Variants in PACRG observed in about 807,000 individuals in gnomAD.
PACRG encodes the protein parkin coregulated gene protein.
In PACRG, 29 loss-of-function variants were observed where a neutral mutation model predicts 29.7. That is an observed-to-expected ratio of 0.98 (90% CI 0.73 to 1.33). PACRG has a LOEUF of 1.33. Among genes scored for constraint, PACRG ranks in the 40% most tolerant of loss-of-function variants. The pLI is 0.00. For missense variants in PACRG, 279 were observed against 316.2 expected (o/e 0.88, Z 0.89); for synonymous variants, 116 against 118.7 (o/e 0.98, Z 0.15).
chr6:163,229,526 A>AAT (rs1781939904), intron 4 of PACRG, among the ~76,000 whole-genome samples: 1 of 152,240 alleles, frequency 6.6e-6, no homozygotes, highest in Admixed American at 6.5e-5. Flanking sequence ...GCTTTGCTCC[A>AAT]GTAATGGTTC....
chr6:162,863,823 A>G (rs1457400735), intron 2 of PACRG, among the ~76,000 whole-genome samples: 2 of 152,242 alleles, frequency 1.3e-5, no homozygotes, highest in Non-Finnish European at 2.9e-5. Flanking sequence ...AGGTCTGAAT[A>G]AATTATTCAT....
intron 4 of PACRG, among the ~76,000 whole-genome samples, chr6:163,216,694 C>A (rs1781377085): frequency 6.6e-6 from 1 of 152,146 alleles, no homozygotes; most frequent in Non-Finnish European, 1.5e-5. Context: ...TGCACATGTA[C>A]ACACAACGCA....
At chr6:162,994,224 AG>A in intron 2 of PACRG, among the ~76,000 whole-genome samples, 1 of 137,524 alleles carries the variant, frequency 7.3e-6, no homozygotes. Context: ...TGTGTCTTGG[AG>A]TTGCTCTTCT....
intron 4 of PACRG, among the ~76,000 whole-genome samples, chr6:163,136,126 C>A (rs1447880111): frequency 6.6e-6 from 1 of 152,192 alleles, no homozygotes; most frequent in Non-Finnish European, 1.5e-5. Flanking sequence ...TCAAAATCCT[C>A]TCTTTGTGAT....
rs749440378 is a variant in PACRG at position 163,198,321 on chromosome 6, ATTTG to A, written c.613+108917_613+108920del. ...GTTAAAAAATATTCAGAGTTTGATTATTTGTTTATCATTTGTTCAAAAAACACCA... is the reference window on the plus strand; with the variant it reads ...GTTAAAAAATATTCAGAGTTTGATTATTTATCATTTGTTCAAAAAACACCA... On this transcript the variant is annotated intron_variant, in intron 4 of 4. Coordinates refer to ENST00000366888, the MANE Select transcript of PACRG (RefSeq NM_001080379.2). Among the ~76,000 whole-genome samples, 117 of 152,338 alleles carry A rather than the reference ATTTG, an allele frequency of 7.7e-4. 1 individual carries two copies. Among genetic ancestry groups the A allele is most frequent in the Non-Finnish European group, 1.3e-3 (89 of 68,028 alleles).
chr6:163,310,953 G>C (rs1036193992), intron 4 of PACRG: 2 of 152,322 alleles, frequency 1.3e-5, no homozygotes, highest in Non-Finnish European at 2.9e-5. Flanking sequence ...GACCGGGATA[G>C]ACACGTGCGT....
At chr6:162,768,089 CTTA>C (rs1034577464) in intron 1 of PACRG, among the ~76,000 whole-genome samples, 1 of 152,014 alleles carries the variant, frequency 6.6e-6, no homozygotes. Context: ...ATTTTTGCAT[CTTA>C]TTCTTCTGAA....
chr6:162,904,968 G>C (rs1462745350), intron 2 of PACRG, among the ~76,000 whole-genome samples: 1 of 152,120 alleles, frequency 6.6e-6, no homozygotes. Flanking sequence ...TCCAAGGGAA[G>C]TATGGGAATG....
chr6:163,286,014 A>G (rs898656498), intron 4 of PACRG, among the ~76,000 whole-genome samples: 4 of 152,224 alleles, frequency 2.6e-5, no homozygotes, highest in Admixed American at 2.0e-4. Flanking sequence ...ACTTTTAAAA[A>G]TTATTCTTCC....
At chr6:163,141,977 T>C (rs1396941118) in intron 4 of PACRG, among the ~76,000 whole-genome samples, 2 of 152,050 alleles carry the variant, frequency 1.3e-5, no homozygotes, top group Non-Finnish European at 2.9e-5. Flanking sequence ...TCCTAGAACA[T>C]TTACAAAATT....
intron 4 of PACRG, among the ~76,000 whole-genome samples, chr6:163,167,514 T>C (rs1318928062): frequency 6.6e-6 from 1 of 152,206 alleles, no homozygotes; most frequent in African/African-American, 2.4e-5. Context: ...AAATACTTTA[T>C]AACTATGTTG....
intron 1 of PACRG, among the ~76,000 whole-genome samples, chr6:162,731,548 A>T (rs1779770197): frequency 6.6e-6 from 1 of 152,032 alleles, no homozygotes; most frequent in South Asian, 2.1e-4. Context: ...GCCATGTTAT[A>T]TCAGGGACTT....
intron 4 of PACRG, among the ~76,000 whole-genome samples, chr6:163,171,204 T>A (rs1014370318): frequency 1.3e-5 from 2 of 152,068 alleles, no homozygotes; most frequent in Admixed American, 6.5e-5. Flanking sequence ...TAATGTTAGC[T>A]GCAGAGAATT....
rs566205849 is a variant in PACRG at position 162,757,925 on chromosome 6, C to T, written c.156+29534C>T. Among the ~76,000 whole-genome samples, 35 of 152,028 alleles carry T rather than the reference C, an allele frequency of 2.3e-4. 2 individuals are homozygous for T. In the South Asian group the frequency reaches 6.8e-3, roughly 30 times the overall value. ...CCCAAAAATATGAGGGTGAAAAATA[C>T]CATGTCAAATGAAATGAAAATTATA... is the stretch of plus-strand genomic sequence containing the variant. On this transcript the variant is annotated intron_variant, in intron 1 of 4. Coordinates refer to ENST00000366888, the MANE Select transcript of PACRG (RefSeq NM_001080379.2).
At chr6:162,794,784 T>C (rs1404829681) in intron 1 of PACRG, among the ~76,000 whole-genome samples, 1 of 152,106 alleles carries the variant, frequency 6.6e-6, no homozygotes, top group African/African-American at 2.4e-5. Flanking sequence ...TTCTGTACCA[T>C]GTACTATTAA....
At chr6:162,885,657 A>G (rs747174856) in intron 2 of PACRG, among the ~76,000 whole-genome samples, 1 of 152,190 alleles carries the variant, frequency 6.6e-6, no homozygotes, top group Non-Finnish European at 1.5e-5. Flanking sequence ...GTTTTTGGGA[A>G]CCAACCCTGT....
intron 1 of PACRG, among the ~76,000 whole-genome samples, chr6:162,776,622 A>G (rs1184949169): frequency 6.6e-6 from 1 of 152,114 alleles, no homozygotes; most frequent in Non-Finnish European, 1.5e-5. Context: ...CCAGGCTCCA[A>G]CCTGCTAGCA....
chr6:163,067,905 A>G (rs511715), intron 3 of PACRG, among the ~76,000 whole-genome samples: 76,164 of 152,172 alleles, frequency 0.5, 22,000 homozygotes, highest in East Asian at 0.96. Context: ...CATTTTGCAT[A>G]CTTGATTTTT....
intron 4 of PACRG, among the ~76,000 whole-genome samples, chr6:163,146,519 ACT>A (rs1777810877): frequency 6.6e-6 from 1 of 152,048 alleles, no homozygotes; most frequent in Non-Finnish European, 1.5e-5. Flanking sequence ...AGGAAAAGAA[ACT>A]CTCTACTTTT....
Sources: allele counts gnomAD v4.1 joint callset (sites outside exome capture counted in the v4.1 genomes callset), GRCh38; gene constraint gnomAD v4.1.1; transcripts MANE v1.5; gene names NCBI Gene and HGNC (gene_info 2026-07-23, HGNC 2026-07-21).